The following SLC10A7 variants were observed in gnomAD, a reference collection of about 807,000 sequenced individuals.
SLC10A7 encodes the protein sodium/bile acid cotransporter 7.
In SLC10A7, 29 loss-of-function variants were observed where a neutral mutation model predicts 43.2. The observed-to-expected ratio is 0.67, with a 90% CI of 0.50 to 0.92. The LOEUF (loss-of-function observed/expected upper bound fraction) is 0.92, where lower values mean the gene tolerates loss of function less well. Ranked by LOEUF, SLC10A7 falls within the 40% of genes least tolerant of loss-of-function variation. The probability of loss-of-function intolerance (pLI) is 0.00; values close to 1 mark genes in which losing one functional copy is unlikely to be tolerated. For synonymous variants in SLC10A7, 152 were observed against 144.8 expected (o/e 1.05, Z -0.35); for missense variants, 295 against 403.2 (o/e 0.73, Z 2.30).
At chr4:146,494,303 A>T (rs1411740587) in intron 4 of SLC10A7, among the ~76,000 whole-genome samples, 1 of 152,222 alleles carries the variant, frequency 6.6e-6, no homozygotes, top group African/African-American at 2.4e-5. Flanking sequence ...AAGGCAGGGT[A>T]TTCTGTGCTC....
chr4:146,314,212 T>A (rs939378820), intron 6 of SLC10A7, among the ~76,000 whole-genome samples: 1 of 152,116 alleles, frequency 6.6e-6, no homozygotes, highest in Non-Finnish European at 1.5e-5. Context: ...GGATTATGCA[T>A]CAAGTAACCA....
chr4:146,390,717 G>A (rs150870889), intron 5 of SLC10A7, among the ~76,000 whole-genome samples: 1 of 152,228 alleles, frequency 6.6e-6, no homozygotes, highest in East Asian at 1.9e-4. Flanking sequence ...AGCAGGGGGA[G>A]CTAGGAAAAC....
chr4:146,334,307 C>T (rs1733733590), intron 5 of SLC10A7, among the ~76,000 whole-genome samples: 1 of 151,956 alleles, frequency 6.6e-6, no homozygotes, highest in Non-Finnish European at 1.5e-5. Context: ...TTTACTGCTA[C>T]AGAAAATAAG....
At chr4:146,257,596 C>T (rs751782901) in intron 11 of SLC10A7, among the ~76,000 whole-genome samples, 17 of 152,192 alleles carry the variant, frequency 1.1e-4, no homozygotes, top group Non-Finnish European at 2.2e-4. Context: ...GAGAGCAAAG[C>T]CTGCAGTGAA....
At chr4:146,256,913 T>C in intron 11 of SLC10A7, 3 of 1,536,338 alleles carry the variant, frequency 2.0e-6, no homozygotes, top group Non-Finnish European at 2.6e-6. Context: ...AGTTAGCCAG[T>C]GGCCCCCTGG....
chr4:146,302,292 C>T (rs1178227603), intron 7 of SLC10A7, among the ~76,000 whole-genome samples: 2 of 152,178 alleles, frequency 1.3e-5, no homozygotes, highest in Non-Finnish European at 2.9e-5. Flanking sequence ...AGTTATGCCT[C>T]TATACAACAA....
At chr4:146,259,188 A>G (rs1221024724) in intron 10 of SLC10A7, among the ~76,000 whole-genome samples, 1 of 152,144 alleles carries the variant, frequency 6.6e-6, no homozygotes, top group Non-Finnish European at 1.5e-5. Context: ...CTAAAAATGG[A>G]TCTCTTCTTG....
chr4:146,486,333 AAAATAATGTTTTGT>A (rs1734920929), intron 4 of SLC10A7, among the ~76,000 whole-genome samples: 1 of 152,210 alleles, frequency 6.6e-6, no homozygotes, highest in South Asian at 2.1e-4. Context: ...AAATGTTTTG[AAAATAATGTTTTGT>A]GATTTACAAA....
chr4:146,281,054 G>A (rs569094288), intron 10 of SLC10A7, among the ~76,000 whole-genome samples: 108 of 152,254 alleles, frequency 7.1e-4, no homozygotes, highest in African/African-American at 2.5e-3. Context: ...GTAGAACACT[G>A]CAAAAGCAAA....
At chr4:146,415,748 A>G (rs1728514145) in intron 5 of SLC10A7, among the ~76,000 whole-genome samples, 1 of 152,220 alleles carries the variant, frequency 6.6e-6, no homozygotes, top group African/African-American at 2.4e-5. Context: ...CTGTAATTAA[A>G]TCAGTAAAGT....
intron 5 of SLC10A7, among the ~76,000 whole-genome samples, chr4:146,368,034 T>G (rs1736516121): frequency 1.3e-5 from 2 of 152,086 alleles, no homozygotes; most frequent in African/African-American, 4.8e-5. Context: ...TTTGGAACAA[T>G]CCCGAAAGCT....
At chr4:146,457,255 G>T (rs1336156158) in intron 4 of SLC10A7, among the ~76,000 whole-genome samples, 12 of 151,160 alleles carry the variant, frequency 7.9e-5, no homozygotes, top group African/African-American at 2.9e-4. Flanking sequence ...TAATTTTTGT[G>T]GGTACATAAT....
intron 5 of SLC10A7, among the ~76,000 whole-genome samples, chr4:146,326,634 C>T (rs1426815497): frequency 6.6e-6 from 1 of 152,184 alleles, no homozygotes; most frequent in African/African-American, 2.4e-5. Flanking sequence ...TGACAGGGAA[C>T]AGTTTGAGGC....
chr4:146,344,607 A>T (rs1362680087), intron 5 of SLC10A7, among the ~76,000 whole-genome samples: 1 of 152,022 alleles, frequency 6.6e-6, no homozygotes, highest in Non-Finnish European at 1.5e-5. Flanking sequence ...AACTACTTTC[A>T]TTATATTACT....
intron 7 of SLC10A7, among the ~76,000 whole-genome samples, chr4:146,296,269 A>C (rs1730778839): frequency 6.6e-6 from 1 of 152,160 alleles, no homozygotes. Context: ...TACTTTTAAA[A>C]TTTTGTATTA....
chr4:146,433,016 T>C (rs1466843335), intron 5 of SLC10A7, among the ~76,000 whole-genome samples: 1 of 150,206 alleles, frequency 6.7e-6, no homozygotes, highest in African/African-American at 2.5e-5. Flanking sequence ...CCAGCGTGGG[T>C]GACAGAGCAA....
chr4:146,375,422 C>T (rs1737120641), intron 5 of SLC10A7, among the ~76,000 whole-genome samples: 1 of 152,066 alleles, frequency 6.6e-6, no homozygotes, highest in Non-Finnish European at 1.5e-5. Flanking sequence ...TCACGCTTAA[C>T]TCCCTCATGG....
chr4:146,490,629 TGAA>T (rs1353428821), intron 4 of SLC10A7, among the ~76,000 whole-genome samples: 1 of 152,196 alleles, frequency 6.6e-6, no homozygotes, highest in Non-Finnish European at 1.5e-5. Context: ...GGTCCACATT[TGAA>T]GAATCGGTAA....
intron 4 of SLC10A7, among the ~76,000 whole-genome samples, chr4:146,469,898 T>C (rs1733406035): frequency 6.6e-6 from 1 of 152,116 alleles, no homozygotes; most frequent in Admixed American, 6.6e-5. Flanking sequence ...ACCTCCCAAA[T>C]GCTGGGATTA....
Sources: allele counts gnomAD v4.1 joint callset (sites outside exome capture counted in the v4.1 genomes callset), GRCh38; gene constraint gnomAD v4.1.1; transcripts MANE v1.5; gene names NCBI Gene and HGNC (gene_info 2026-07-23, HGNC 2026-07-21).